Variants in PPIP5K2 observed in about 807,000 individuals in gnomAD.
PPIP5K2 encodes the protein diphosphoinositol pentakisphosphate kinase 2, also known as inositol hexakisphosphate and diphosphoinositol-pentakisphosphate kinase 2.
A neutral mutation model predicts 154.6 loss-of-function variants in PPIP5K2; 105 were observed. The observed-to-expected ratio is 0.68, with a 90% CI of 0.58 to 0.80. The LOEUF is 0.80. Among genes scored for constraint, PPIP5K2 ranks in the 30% least tolerant of loss-of-function variants. The pLI, the probability that PPIP5K2 is intolerant of heterozygous loss-of-function variation, is 0.00. For missense variants in PPIP5K2, 992 were observed against 1,504.6 expected (o/e 0.66, Z 5.64); for synonymous variants, 480 against 490.3 (o/e 0.98, Z 0.28).
intron 5 of PPIP5K2, among the ~76,000 whole-genome samples, chr5:103,143,951 G>C (rs1370483665): frequency 6.6e-6 from 1 of 151,936 alleles, no homozygotes; most frequent in Non-Finnish European, 1.5e-5. Flanking sequence ...TTAGGGAAGA[G>C]AAAGAAATAA....
intron 5 of PPIP5K2, among the ~76,000 whole-genome samples, chr5:103,139,188 C>T (rs1020440664): frequency 2.6e-5 from 4 of 152,120 alleles, no homozygotes; most frequent in African/African-American, 2.4e-5. Flanking sequence ...AGGCAAAATA[C>T]GTGTTTGTCT....
intron 5 of PPIP5K2, among the ~76,000 whole-genome samples, chr5:103,140,650 C>G (rs1792417006): frequency 6.6e-6 from 1 of 151,102 alleles, no homozygotes; most frequent in African/African-American, 2.4e-5. Context: ...GAGATCGAGA[C>G]CACGGTGAAA....
At chr5:103,156,910 A>C in intron 14 of PPIP5K2, among the ~76,000 whole-genome samples, 1 of 152,164 alleles carries the variant, frequency 6.6e-6, no homozygotes, top group Admixed American at 6.5e-5. Context: ...TATTTATAAT[A>C]ATCTTTATAT....
chr5:103,143,189 C>T (rs1793141315), intron 5 of PPIP5K2, among the ~76,000 whole-genome samples: 1 of 151,982 alleles, frequency 6.6e-6, no homozygotes, highest in Admixed American at 6.6e-5. Flanking sequence ...AACATACTAC[C>T]AGAGAGAATT....
intron 28 of PPIP5K2, among the ~76,000 whole-genome samples, chr5:103,190,432 A>G (rs1475612068): frequency 2.6e-5 from 4 of 152,024 alleles, no homozygotes; most frequent in Admixed American, 1.3e-4. Flanking sequence ...TAATTTTTCA[A>G]CAAGAACTTA....
Position 103,159,120 on chromosome 5 carries a change from G to A in PPIP5K2, c.1738-26G>A, listed in dbSNP as rs372387021. Reference sequence around the variant, plus strand: ...TTTTACGTATTAATTTTTTAAATTCGTGTTTTCTTTATTTAATATGCTTAG... The same window carrying A: ...TTTTACGTATTAATTTTTTAAATTCATGTTTTCTTTATTTAATATGCTTAG... On this transcript the variant is annotated intron_variant, in intron 16 of 30. Coordinates refer to ENST00000358359, the MANE Select transcript of PPIP5K2 (RefSeq NM_001276277.3). 4.2e-5 allele frequency: 60 copies of A among 1,419,278 alleles called. 1 individual carries two copies. The Admixed American group carries it at 6.0e-4, about 14-fold the overall frequency. The allele number at this position is 1,419,278 out of a possible 1,614,324, so 87.9% of individuals were successfully genotyped here.
chr5:103,147,058 G>A (rs963156379), intron 6 of PPIP5K2, among the ~76,000 whole-genome samples: 1 of 151,796 alleles, frequency 6.6e-6, no homozygotes, highest in African/African-American at 2.4e-5. Context: ...ATACTTAATT[G>A]TACTCAAATG....
chr5:103,144,892 C>G (rs999008289), intron 5 of PPIP5K2, among the ~76,000 whole-genome samples: 1 of 151,932 alleles, frequency 6.6e-6, no homozygotes, highest in Non-Finnish European at 1.5e-5. Flanking sequence ...CCCAGGCAAC[C>G]AAAGCAAAAA....
chr5:103,128,376 T>C (rs1790066286), intron 1 of PPIP5K2, among the ~76,000 whole-genome samples: 1 of 147,486 alleles, frequency 6.8e-6, no homozygotes, highest in Admixed American at 6.8e-5. Flanking sequence ...ATGCTACTGC[T>C]CTTATAGTTC....
intron 1 of PPIP5K2, among the ~76,000 whole-genome samples, chr5:103,128,166 G>C (rs1316095852): frequency 6.6e-6 from 1 of 151,936 alleles, no homozygotes; most frequent in Admixed American, 6.6e-5. Flanking sequence ...TAGATCTTTA[G>C]GAATAGAACT....
At chr5:103,120,715 C>G (rs554057572) in intron 1 of PPIP5K2, 251 of 321,704 alleles carry the variant, frequency 7.8e-4, no homozygotes, top group Non-Finnish European at 1.3e-3. Flanking sequence ...CATGGCTTCC[C>G]TTTTTCATTT....
In PPIP5K2 at chr5:103,120,323, T is replaced by C. The variant is rs782317221; in HGVS notation, c.-450T>C. ...GGTGTAGTAGCCTGAGGTTCCCTTA[T>C]GTGGCCCTATAGCTGTTACTGAAGG... is the stretch of plus-strand genomic sequence containing the variant. On this transcript the variant is annotated 5_prime_UTR_variant, in exon 1 of 31. An upstream start codon of the reference 5' UTR is lost. Transcript: ENST00000358359. 2.6e-5 allele frequency: 11 copies of C among 430,976 alleles called. No individual in the cohort carries two copies. Among genetic ancestry groups the C allele is most frequent in the Admixed American group, 7.4e-5 (3 of 40,764 alleles). 26.7% of individuals were successfully genotyped at this position (430,976 alleles called of 1,614,324 possible).
intron 20 of PPIP5K2, among the ~76,000 whole-genome samples, 189 bp downstream of exon 20, chr5:103,173,471 G>A (rs1457420281): frequency 6.6e-6 from 1 of 151,920 alleles, no homozygotes; most frequent in Non-Finnish European, 1.5e-5. Context: ...AGAAAACTAA[G>A]GTGAGTGGGG....
chr5:103,170,821 G>A (rs1554219380), intron 19 of PPIP5K2, among the ~76,000 whole-genome samples: 1 of 151,474 alleles, frequency 6.6e-6, no homozygotes, highest in Non-Finnish European at 1.5e-5. Flanking sequence ...TAATGAAAAT[G>A]TGGTTTGTAA....
In PPIP5K2 at chr5:103,187,303, CTCTT is replaced by C. The variant is rs1800543835; in HGVS notation, c.3290-6_3290-3del. The C allele has an allele frequency of 6.6e-7, 1 of 1,526,006 alleles. No individual in the cohort carries two copies. The highest frequency in any genetic ancestry group is 1.4e-5 in the African/African-American group (1 of 72,608). 94.5% of individuals were successfully genotyped at this position (1,526,006 alleles called of 1,614,324 possible). A position where few individuals can be genotyped will look rare whatever the true frequency, so the allele number is the denominator to read the frequency against. ...TTACGAATTTCAGGTACCTGTTTTT[CTCTT>C]TCTTAGACGCCACACGCGGTTCTGC... On this transcript the variant is annotated splice_polypyrimidine_tract_variant and splice_region_variant and intron_variant, in intron 27 of 30. Transcript: ENST00000358359.
At chr5:103,200,126 G>A (rs1226401700) in intron 30 of PPIP5K2, among the ~76,000 whole-genome samples, 1 of 152,184 alleles carries the variant, frequency 6.6e-6, no homozygotes, top group Non-Finnish European at 1.5e-5. Context: ...AGCTCAGATT[G>A]TAAAATATGG....
rs545175079 is a variant in PPIP5K2, at chr5:103,202,688, G to A, written c.*1054G>A. On this transcript the variant is annotated 3_prime_UTR_variant, in exon 31 of 31. Coordinates refer to ENST00000358359, the MANE Select transcript of PPIP5K2 (RefSeq NM_001276277.3). ...ATTGCGCTGTGATTTCATCTGTGAT[G>A]TGAAAAATCAATTTATTATCCTTGG... is the stretch of plus-strand genomic sequence containing the variant. The A allele has an allele frequency of 3.9e-5, 6 of 152,206 alleles. No individual in the cohort carries two copies. The South Asian group carries it at 1.2e-3, about 32-fold the overall frequency. The allele number at this position is 152,206 out of a possible 1,614,324, so 9.4% of individuals were successfully genotyped here.
intron 10 of PPIP5K2, 63 bp downstream of exon 10, chr5:103,152,812 A>C: frequency 8.8e-7 from 1 of 1,138,408 alleles, no homozygotes; most frequent in Non-Finnish European, 1.3e-6. Context: ...TATTAGGATA[A>C]AAATTAAATT....
chr5:103,170,582 A>G (rs1797826689), intron 19 of PPIP5K2, among the ~76,000 whole-genome samples: 1 of 151,494 alleles, frequency 6.6e-6, no homozygotes, highest in Non-Finnish European at 1.5e-5. Context: ...TATTTTATAA[A>G]TTGAGGAGAG....
Sources: gnomAD v4.1 joint callset for allele counts (sites outside exome capture counted in the v4.1 genomes callset) on GRCh38, gnomAD v4.1.1 for gene constraint, MANE v1.5 for transcripts, NCBI Gene and HGNC (gene_info 2026-07-23, HGNC 2026-07-21) for gene names.